BLOC1S5: variants seen among roughly 807,000 people sequenced by gnomAD.
The protein encoded by BLOC1S5 is biogenesis of lysosome-related organelles complex 1 subunit 5.
BLOC1S5 carries 27 observed loss-of-function variants against 24.3 expected under a neutral mutation model. That is an observed-to-expected ratio of 1.11 (90% CI 0.82 to 1.53). The LOEUF (loss-of-function observed/expected upper bound fraction) is 1.53, where lower values mean the gene tolerates loss of function less well. Ranked by LOEUF, BLOC1S5 falls within the 40% of genes most tolerant of loss-of-function variation. The pLI is 0.00. For missense variants in BLOC1S5, 239 were observed against 229.4 expected (o/e 1.04, Z -0.27); for synonymous variants, 84 against 74.5 (o/e 1.13, Z -0.66).
At chr6:8,056,196 C>T (rs1298784445) in intron 2 of BLOC1S5, among the ~76,000 whole-genome samples, 3 of 152,178 alleles carry the variant, frequency 2.0e-5, no homozygotes, top group Non-Finnish European at 4.4e-5. Flanking sequence ...TACTCAGTTT[C>T]AGGTATTCTG....
At chr6:8,022,061 A>C (rs1762932211) in intron 4 of BLOC1S5, among the ~76,000 whole-genome samples, 1 of 152,098 alleles carries the variant, frequency 6.6e-6, no homozygotes, top group Non-Finnish European at 1.5e-5. Context: ...CCAATCCTGA[A>C]GATCGGCATC....
At chr6:8,032,801 A>G (rs1423011803) in intron 3 of BLOC1S5, among the ~76,000 whole-genome samples, 1 of 152,194 alleles carries the variant, frequency 6.6e-6, no homozygotes, top group African/African-American at 2.4e-5. Context: ...AAATCAATGT[A>G]CAAAAATCAC....
chr6:8,055,569 T>C (rs761604419), intron 2 of BLOC1S5, among the ~76,000 whole-genome samples: 58 of 152,384 alleles, frequency 3.8e-4, no homozygotes, highest in Admixed American at 2.0e-3. Flanking sequence ...TGCTCGACTT[T>C]AAGTGAAATT....
intron 4 of BLOC1S5, among the ~76,000 whole-genome samples, chr6:8,019,504 G>T (rs1762850969): frequency 6.6e-6 from 1 of 151,690 alleles, no homozygotes; most frequent in Non-Finnish European, 1.5e-5. Flanking sequence ...CCTGACCTCA[G>T]GTGATCCGCC....
chr6:8,015,801 C>T lies in BLOC1S5; in HGVS notation c.412G>A (p.Glu138Lys), dbSNP rs1481935738. 1 of 1,613,442 alleles carries T rather than the reference C, an allele frequency of 6.2e-7. No homozygotes were observed. Among genetic ancestry groups the T allele is most frequent in the Admixed American group, 1.7e-5 (1 of 59,858 alleles). Reference sequence around the variant, plus strand: ...TCCCACTGGAGCATATGCTGTTTCTCACTAGCTACTAAGTGGTCACTATGA... The same window carrying T: ...TCCCACTGGAGCATATGCTGTTTCTTACTAGCTACTAAGTGGTCACTATGA... ...KIHSDHLVAS[E>K]KQHMLQWDNF... Residue 138 changes from glutamate (E) to lysine (K), a missense_variant, in exon 5 of 5, where the codon GAG (glutamate) becomes AAG (lysine). By Grantham distance (56) the Glu-to-Lys change is moderately conservative (BLOSUM62 1). Coordinates refer to ENST00000397457, the MANE Select transcript of BLOC1S5 (RefSeq NM_201280.3).
chr6:8,057,812 C>A (rs1271523871), intron 2 of BLOC1S5, among the ~76,000 whole-genome samples: 2 of 152,214 alleles, frequency 1.3e-5, no homozygotes, highest in African/African-American at 4.8e-5. Flanking sequence ...CTTTTTGTCT[C>A]TAATTTTAAC....
chr6:8,038,476 G>A (rs1763564352), intron 3 of BLOC1S5, among the ~76,000 whole-genome samples: 1 of 148,672 alleles, frequency 6.7e-6, no homozygotes, highest in South Asian at 2.3e-4. Context: ...AGTTAAAATG[G>A]CTTTTAATTA....
intron 2 of BLOC1S5, among the ~76,000 whole-genome samples, chr6:8,060,390 A>G (rs1038844892): frequency 2.6e-5 from 4 of 152,212 alleles, no homozygotes; most frequent in African/African-American, 9.6e-5. Context: ...TTTTAAGTAG[A>G]GCCAAGGAGC....
intron 2 of BLOC1S5, among the ~76,000 whole-genome samples, chr6:8,042,432 C>T (rs1763726351): frequency 6.6e-6 from 1 of 152,194 alleles, no homozygotes; most frequent in African/African-American, 2.4e-5. Flanking sequence ...TGGCTGGGGG[C>T]TGGAAACTTG....
intron 4 of BLOC1S5, among the ~76,000 whole-genome samples, chr6:8,019,360 C>T (rs564921879): frequency 6.6e-6 from 1 of 151,718 alleles, no homozygotes; most frequent in East Asian, 1.9e-4. Flanking sequence ...CCTCTGCCTC[C>T]CGGGTTCAAG....
At chr6:8,034,436 C>G (rs1205457404) in intron 3 of BLOC1S5, among the ~76,000 whole-genome samples, 2 of 152,140 alleles carry the variant, frequency 1.3e-5, no homozygotes. Flanking sequence ...AATGAGCCCC[C>G]TTGGACACAG....
At chr6:8,027,600 G>A (rs1368158742) in intron 3 of BLOC1S5, among the ~76,000 whole-genome samples, 2 of 152,192 alleles carry the variant, frequency 1.3e-5, no homozygotes, top group South Asian at 2.1e-4. Flanking sequence ...CTGGGAGGCC[G>A]TGGCGGGCAG....
chr6:8,041,090 T>C, intron 3 of BLOC1S5, 49 bp downstream of exon 3: 1 of 1,545,968 alleles, frequency 6.5e-7, no homozygotes, highest in Non-Finnish European at 8.8e-7. Context: ...CATTTTGGTG[T>C]AGCATTCATT....
At chr6:8,022,568 A>ATTTTTTTTTTTTTTTT (rs35289860) in intron 4 of BLOC1S5, among the ~76,000 whole-genome samples, 4 of 123,964 alleles carry the variant, frequency 3.2e-5, no homozygotes, top group Non-Finnish European at 4.9e-5. Flanking sequence ...TTCAAACTCT[A>ATTTTTTTTTTTTTTTT]TTTTTTTTTT....
At chr6:8,031,097 C>A (rs571543984) in intron 3 of BLOC1S5, among the ~76,000 whole-genome samples, 1 of 152,164 alleles carries the variant, frequency 6.6e-6, no homozygotes, top group Non-Finnish European at 1.5e-5. Flanking sequence ...TTCACCATTT[C>A]TATTCAACAT....
At chr6:8,021,165 T>C (rs1762902272) in intron 4 of BLOC1S5, among the ~76,000 whole-genome samples, 2 of 152,224 alleles carry the variant, frequency 1.3e-5, no homozygotes, top group Non-Finnish European at 2.9e-5. Flanking sequence ...ACAAATGTTA[T>C]ATGAGTCTAC....
chr6:8,017,175 C>A (rs533553992), intron 4 of BLOC1S5, among the ~76,000 whole-genome samples: 2 of 152,056 alleles, frequency 1.3e-5, no homozygotes, highest in Admixed American at 1.3e-4. Context: ...AACTTTATAT[C>A]CCTATTTCAA....
intron 1 of BLOC1S5, among the ~76,000 whole-genome samples, 191 bp downstream of exon 1, chr6:8,064,074 T>C (rs989434390): frequency 2.0e-5 from 3 of 151,722 alleles, no homozygotes; most frequent in East Asian, 1.9e-4. Flanking sequence ...ACACGAAGAG[T>C]TGGGCTGGTT....
chr6:8,022,976 T>G (rs546566946), intron 4 of BLOC1S5, among the ~76,000 whole-genome samples: 1 of 152,324 alleles, frequency 6.6e-6, no homozygotes, highest in African/African-American at 2.4e-5. Flanking sequence ...TAATAAATAT[T>G]TGTGGACAAG....
Sources: gnomAD v4.1 joint callset for allele counts (sites outside exome capture counted in the v4.1 genomes callset) on GRCh38, gnomAD v4.1.1 for gene constraint, MANE v1.5 for transcripts, NCBI Gene and HGNC (gene_info 2026-07-23, HGNC 2026-07-21) for gene names.